The following PCDH15 variants were observed in gnomAD, a reference collection of about 807,000 sequenced individuals.
PCDH15 encodes the protein protocadherin related 15, also known as protocadherin-15.
PCDH15 carries 129 observed loss-of-function variants against 178.5 expected under a neutral mutation model. The ratio of observed to expected loss-of-function variants is 0.72; its 90% CI spans 0.63 to 0.84. PCDH15 has a LOEUF of 0.84. PCDH15 is among the 40% of genes least tolerant of loss of function. The pLI, the probability that PCDH15 is intolerant of heterozygous loss-of-function variation, is 0.00. For synonymous variants in PCDH15, 800 were observed against 732.0 expected, an observed-to-expected ratio of 1.09 and a Z score of -1.50; for missense variants, 2,230 against 2,099.9, an observed-to-expected ratio of 1.06 and a Z score of -1.21.
At position 54,685,209 on chromosome 10, in the gene PCDH15, T is replaced by C. The variant is rs2094974405; in HGVS notation, c.-28-20919A>G. On this transcript the variant is annotated intron_variant, in intron 1 of 37. Transcript: ENST00000644397. The stretch of plus-strand genomic sequence containing the variant: ...TGCACGGAGCTGTCATCTCCTATGA[T>C]AATAATGCCTTCTTCTGGAATATCT... Among the ~76,000 whole-genome samples the C allele has an allele frequency of 6.6e-5, 10 of 152,082 alleles. No individual in the cohort carries two copies. In the South Asian group the frequency reaches 2.1e-3, roughly 31 times the overall value.
intron 2 of PCDH15, among the ~76,000 whole-genome samples, chr10:55,329,071 C>A (rs1326355046): frequency 2.0e-5 from 3 of 146,922 alleles, no homozygotes; most frequent in African/African-American, 7.5e-5. Flanking sequence ...GTTATTGAAA[C>A]CTAAAGTTAA....
chr10:54,462,970 T>G (rs936469934), intron 3 of PCDH15, among the ~76,000 whole-genome samples: 1 of 152,098 alleles, frequency 6.6e-6, no homozygotes, highest in Non-Finnish European at 1.5e-5. Flanking sequence ...TTAAAACATT[T>G]CAAACATAAA....
intron 3 of PCDH15, among the ~76,000 whole-genome samples, chr10:54,479,960 T>A (rs73255953): frequency 0.01 from 1,572 of 152,162 alleles, 23 homozygotes; most frequent in African/African-American, 0.036. Context: ...TTTTAGTGAT[T>A]TGATTTAGAT....
chr10:54,752,530 A>AAAAC (rs1555180998), intron 1 of PCDH15, among the ~76,000 whole-genome samples: 1 of 43,886 alleles, frequency 2.3e-5, no homozygotes, highest in South Asian at 5.4e-4. Context: ...ACAAACAAAC[A>AAAAC]AAAAAAAACA....
intron 3 of PCDH15, among the ~76,000 whole-genome samples, chr10:54,859,037 G>C (rs1392773322): frequency 1.3e-5 from 2 of 152,026 alleles, no homozygotes; most frequent in Admixed American, 6.6e-5. Flanking sequence ...GCATGGCCCA[G>C]GTTAGTAGTG....
chr10:55,158,202 TTTC>T, intron 2 of PCDH15, among the ~76,000 whole-genome samples: 1 of 152,000 alleles, frequency 6.6e-6, no homozygotes, highest in East Asian at 1.9e-4. Flanking sequence ...ACAAATTATA[TTTC>T]TTCTCTTCTA....
chr10:54,909,946 CCTT>C (rs1482003971), intron 2 of PCDH15, among the ~76,000 whole-genome samples: 2 of 152,108 alleles, frequency 1.3e-5, no homozygotes. Context: ...TGGGGACTGT[CCTT>C]CTCTTCTCCC....
At chr10:53,933,534 T>C (rs1589494397) in intron 25 of PCDH15, among the ~76,000 whole-genome samples, 5 of 152,242 alleles carry the variant, frequency 3.3e-5, no homozygotes, top group African/African-American at 9.6e-5. Flanking sequence ...TAGTATTCCA[T>C]GGTGTATATG....
intron 1 of PCDH15, among the ~76,000 whole-genome samples, chr10:55,166,992 C>T (rs946236769): frequency 2.0e-5 from 3 of 152,152 alleles, no homozygotes; most frequent in Non-Finnish European, 4.4e-5. Context: ...AACAACGAAG[C>T]ACTGCATAAA....
chr10:55,236,124 A>C (rs1841379886), intron 1 of PCDH15, among the ~76,000 whole-genome samples: 1 of 151,852 alleles, frequency 6.6e-6, no homozygotes, highest in African/African-American at 2.4e-5. Flanking sequence ...GGTAGTTATA[A>C]TATTCAATAA....
intron 2 of PCDH15, among the ~76,000 whole-genome samples, chr10:55,392,350 A>G (rs1386999834): frequency 6.6e-6 from 1 of 152,218 alleles, no homozygotes; most frequent in Non-Finnish European, 1.5e-5. Context: ...GCAATAAAAC[A>G]AAGTATGCTT....
Position 55,440,226 on chromosome 10 carries a change from C to T in PCDH15, c.-156+187399G>A, listed in dbSNP as rs115097932. On this transcript the variant is annotated intron_variant, in intron 2 of 5. Transcript: ENST00000613346. ...TCAAATAATAAAATGGAACAAAGTACGACACCAAACAACACAGCTGTGAGG... is the reference window on the plus strand; with the variant it reads ...TCAAATAATAAAATGGAACAAAGTATGACACCAAACAACACAGCTGTGAGG... Among the ~76,000 whole-genome samples, 318 of 152,180 alleles carry T rather than the reference C, an allele frequency of 2.1e-3. 3 individuals carry two copies. The highest frequency in any genetic ancestry group is 7.2e-3 in the African/African-American group (301 of 41,532).
At chr10:54,638,527 T>A (rs995793720) in intron 2 of PCDH15, among the ~76,000 whole-genome samples, 4 of 152,096 alleles carry the variant, frequency 2.6e-5, no homozygotes, top group African/African-American at 4.8e-5. Flanking sequence ...TTTAACCAGA[T>A]AAAAACAATT....
chr10:53,941,263 T>C (rs1307227400), intron 23 of PCDH15, among the ~76,000 whole-genome samples: 1 of 152,154 alleles, frequency 6.6e-6, no homozygotes, highest in Non-Finnish European at 1.5e-5. Flanking sequence ...ATGTATCCGC[T>C]TTCATGTAGT....
At chr10:54,490,508 A>G (rs1355426986) in intron 3 of PCDH15, among the ~76,000 whole-genome samples, 1 of 151,694 alleles carries the variant, frequency 6.6e-6, no homozygotes, top group Non-Finnish European at 1.5e-5. Context: ...TCTCAAAAAT[A>G]AATAATTTTT....
chr10:55,263,430 G>T (rs1842198610), intron 1 of PCDH15, among the ~76,000 whole-genome samples: 1 of 152,122 alleles, frequency 6.6e-6, no homozygotes, highest in South Asian at 2.1e-4. Context: ...AACAGCCGCA[G>T]GCATGCATGA....
intron 2 of PCDH15, among the ~76,000 whole-genome samples, chr10:54,930,776 C>T (rs186478079): frequency 6.6e-6 from 1 of 152,174 alleles, no homozygotes; most frequent in Admixed American, 6.6e-5. Flanking sequence ...TCTTTGCATT[C>T]CAAATAACTG....
At chr10:53,865,749 A>ATTT (rs112075602) in intron 27 of PCDH15, among the ~76,000 whole-genome samples, 119,763 of 151,624 alleles carry the variant, frequency 0.79, 48,431 homozygotes, top group East Asian at 1. Flanking sequence ...GAAGAAAAAT[A>ATTT]AAGCATTGAT....
intron 2 of PCDH15, among the ~76,000 whole-genome samples, chr10:54,910,322 A>T (rs1302191458): frequency 2.0e-5 from 3 of 151,696 alleles, no homozygotes; most frequent in African/African-American, 4.8e-5. Flanking sequence ...TGAGCAAAAA[A>T]CTCCATTCAC....
Sources: gnomAD v4.1 joint callset for allele counts (sites outside exome capture counted in the v4.1 genomes callset) on GRCh38, gnomAD v4.1.1 for gene constraint, MANE v1.5 for transcripts, NCBI Gene and HGNC (gene_info 2026-07-23, HGNC 2026-07-21) for gene names.